GALNTL6: variants seen among roughly 807,000 people sequenced by gnomAD.
GALNTL6 encodes polypeptide N-acetylgalactosaminyltransferase-like 6.
Under a neutral mutation model 73.7 loss-of-function variants are expected in GALNTL6, and 46 were observed. The observed-to-expected ratio is 0.62, with a 90% CI of 0.49 to 0.80. GALNTL6 has a LOEUF of 0.80. Ranked by LOEUF, GALNTL6 falls within the 30% of genes least tolerant of loss-of-function variation. The probability of loss-of-function intolerance (pLI) is 0.00; values close to 1 mark genes in which losing one functional copy is unlikely to be tolerated. For missense variants in GALNTL6, 604 were observed against 755.0 expected (o/e 0.80, Z 2.34); for synonymous variants, 259 against 263.7 (o/e 0.98, Z 0.17).
intron 3 of GALNTL6, among the ~76,000 whole-genome samples, chr4:172,244,667 C>T (rs530495951): frequency 6.6e-6 from 1 of 152,206 alleles, no homozygotes. Context: ...GATTGCTGTG[C>T]CTATATGACT....
chr4:172,170,024 A>G (rs1415027165), intron 2 of GALNTL6, among the ~76,000 whole-genome samples: 1 of 152,218 alleles, frequency 6.6e-6, no homozygotes, highest in Admixed American at 6.5e-5. Flanking sequence ...ACTGTGAATG[A>G]CAAAGCAGGA....
intron 5 of GALNTL6, among the ~76,000 whole-genome samples, chr4:172,752,357 T>C (rs953937470): frequency 1.3e-5 from 2 of 152,066 alleles, no homozygotes; most frequent in Admixed American, 1.3e-4. Flanking sequence ...CCAAACAATA[T>C]GGTTAGCATT....
chr4:172,653,911 A>G (rs1378451674), intron 5 of GALNTL6, among the ~76,000 whole-genome samples: 1 of 152,234 alleles, frequency 6.6e-6, no homozygotes, highest in African/African-American at 2.4e-5. Context: ...CAGAGTAGAC[A>G]GCATATATTT....
chr4:172,418,168 T>C (rs1276721413), intron 5 of GALNTL6, among the ~76,000 whole-genome samples: 2 of 152,226 alleles, frequency 1.3e-5, no homozygotes, highest in Non-Finnish European at 2.9e-5. Flanking sequence ...ATTTCATTTA[T>C]TGGTTCTTTT....
At chr4:172,249,023 A>G (rs1449676182) in intron 3 of GALNTL6, among the ~76,000 whole-genome samples, 1 of 152,188 alleles carries the variant, frequency 6.6e-6, no homozygotes, top group Non-Finnish European at 1.5e-5. Context: ...ATACCTGAAA[A>G]TGTGAAAGTG....
intron 2 of GALNTL6, among the ~76,000 whole-genome samples, chr4:171,949,202 T>C (rs997935194): frequency 6.6e-6 from 1 of 152,134 alleles, no homozygotes; most frequent in Non-Finnish European, 1.5e-5. Context: ...CCCAGCATTG[T>C]AGGGGAGCCC....
At chr4:171,977,825 G>A (rs892181147) in intron 2 of GALNTL6, among the ~76,000 whole-genome samples, 1 of 152,064 alleles carries the variant, frequency 6.6e-6, no homozygotes, top group East Asian at 1.9e-4. Context: ...TTGAATAATT[G>A]CTCTTACGAT....
At chr4:172,001,139 A>G (rs1740660918) in intron 2 of GALNTL6, among the ~76,000 whole-genome samples, 1 of 152,202 alleles carries the variant, frequency 6.6e-6, no homozygotes, top group South Asian at 2.1e-4. Flanking sequence ...AATCTTCGCA[A>G]CAAAAGAGAG....
At chr4:172,055,794 G>C (rs1346740242) in intron 2 of GALNTL6, among the ~76,000 whole-genome samples, 4 of 152,126 alleles carry the variant, frequency 2.6e-5, no homozygotes, top group African/African-American at 9.7e-5. Flanking sequence ...CCAGTTATCA[G>C]GGTACTTCTT....
At chr4:172,429,208 A>ATTTTATTTTT (rs1731347595) in intron 5 of GALNTL6, among the ~76,000 whole-genome samples, 1 of 144,700 alleles carries the variant, frequency 6.9e-6, no homozygotes, top group African/African-American at 2.7e-5. Context: ...ATTTTATTTT[A>ATTTTATTTTT]TTTTATTTTA....
intron 2 of GALNTL6, among the ~76,000 whole-genome samples, chr4:171,818,289 C>T (rs1734577037): frequency 6.6e-6 from 1 of 151,760 alleles, no homozygotes; most frequent in South Asian, 2.1e-4. Context: ...TTTTCTTAAT[C>T]ACTTATTCAA....
At chr4:172,634,743 T>A (rs1218408817) in intron 5 of GALNTL6, among the ~76,000 whole-genome samples, 1 of 152,214 alleles carries the variant, frequency 6.6e-6, no homozygotes, top group Non-Finnish European at 1.5e-5. Flanking sequence ...TCCTGTTTTG[T>A]ACCAAGAATT....
At chr4:172,496,429 C>A (rs1417019581) in intron 5 of GALNTL6, among the ~76,000 whole-genome samples, 1 of 152,046 alleles carries the variant, frequency 6.6e-6, no homozygotes, top group Non-Finnish European at 1.5e-5. Flanking sequence ...GTGGCTCACG[C>A]CTGTAATCCC....
At chr4:172,852,418 C>T (rs947338632) in intron 7 of GALNTL6, among the ~76,000 whole-genome samples, 2 of 152,154 alleles carry the variant, frequency 1.3e-5, no homozygotes, top group African/African-American at 2.4e-5. Context: ...CCTCTGCCCA[C>T]ATCCCGTTGA....
rs113471633 is a variant in GALNTL6 at position 172,215,119 on chromosome 4, G to A, written c.139-14537G>A. The stretch of plus-strand genomic sequence containing the variant: ...TTATAGTTTAATTCCTTTATAACCC[G>A]AGAAAATTATTTGTATGATTTCTAT... On this transcript the variant is annotated intron_variant, in intron 2 of 12. Transcript: ENST00000506823. 2.4e-3 allele frequency among the ~76,000 whole-genome samples: 372 copies of A among 151,992 alleles called. 1 individual carries two copies. Among genetic ancestry groups the A allele is most frequent in the African/African-American group, 7.1e-3 (293 of 41,466 alleles).
intron 7 of GALNTL6, among the ~76,000 whole-genome samples, chr4:172,868,758 C>T (rs533407835): frequency 6.6e-6 from 1 of 152,318 alleles, no homozygotes; most frequent in South Asian, 2.1e-4. Flanking sequence ...TACTTCATCA[C>T]TGGTCTAAGC....
intron 3 of GALNTL6, among the ~76,000 whole-genome samples, chr4:172,309,301 A>G (rs1426327318): frequency 2.6e-5 from 4 of 152,116 alleles, no homozygotes; most frequent in African/African-American, 4.8e-5. Flanking sequence ...AATCACTGAT[A>G]TGGAAACCAA....
At chr4:172,632,866 C>T (rs1272732392) in intron 5 of GALNTL6, among the ~76,000 whole-genome samples, 1 of 152,230 alleles carries the variant, frequency 6.6e-6, no homozygotes, top group African/African-American at 2.4e-5. Context: ...GCTGCTTCAG[C>T]TCCAGCTATG....
chr4:172,684,235 C>T (rs1252906714), intron 5 of GALNTL6, among the ~76,000 whole-genome samples: 1 of 152,150 alleles, frequency 6.6e-6, no homozygotes, highest in African/African-American at 2.4e-5. Context: ...TGATGGCGTA[C>T]ACAGCTTTTT....
Sources: allele counts gnomAD v4.1 joint callset (sites outside exome capture counted in the v4.1 genomes callset), GRCh38; gene constraint gnomAD v4.1.1; transcripts MANE v1.5; gene names NCBI Gene and HGNC (gene_info 2026-07-23, HGNC 2026-07-21).